DLG2: variants seen among roughly 807,000 people sequenced by gnomAD.
DLG2 encodes discs large MAGUK scaffold protein 2.
In DLG2, 45 loss-of-function variants were observed where a neutral mutation model predicts 132.5. The observed-to-expected ratio is 0.34, with a 90% CI of 0.27 to 0.44. DLG2 has a LOEUF of 0.44. Ranked by LOEUF, DLG2 falls within the 20% of genes least tolerant of loss-of-function variation. The probability of loss-of-function intolerance (pLI) is 1.00; values close to 1 mark genes in which losing one functional copy is unlikely to be tolerated. For synonymous variants in DLG2, 424 were observed against 419.6 expected (o/e 1.01, Z -0.13); for missense variants, 1,045 against 1,196.9 (o/e 0.87, Z 1.87).
chr11:85,564,668 T>G (rs2077432218), intron 3 of DLG2, among the ~76,000 whole-genome samples: 1 of 152,090 alleles, frequency 6.6e-6, no homozygotes, highest in Admixed American at 6.6e-5. Context: ...AGCTTTATAA[T>G]AAGTCTCAAA....
chr11:85,116,531 T>A (rs1594430288), intron 5 of DLG2, among the ~76,000 whole-genome samples: 1 of 152,028 alleles, frequency 6.6e-6, no homozygotes. Context: ...TATACAGGTG[T>A]GTATTAAAAA....
At chr11:84,746,185 T>C (rs2065334070) in intron 6 of DLG2, among the ~76,000 whole-genome samples, 1 of 151,032 alleles carries the variant, frequency 6.6e-6, no homozygotes, top group Non-Finnish European at 1.5e-5. Flanking sequence ...AAGGAGTGCT[T>C]AGTCAAGACT....
intron 6 of DLG2, among the ~76,000 whole-genome samples, chr11:84,853,187 ACT>A (rs1192096938): frequency 6.6e-6 from 1 of 151,912 alleles, no homozygotes; most frequent in African/African-American, 2.4e-5. Context: ...TTTTTAAAAG[ACT>A]CTGAATAACC....
intron 6 of DLG2, among the ~76,000 whole-genome samples, chr11:85,011,631 T>A (rs2059154887): frequency 1.3e-5 from 2 of 152,220 alleles, no homozygotes; most frequent in Non-Finnish European, 2.9e-5. Context: ...ATATGTTAAA[T>A]AACGCAGTTG....
At chr11:85,020,709 T>G (rs2059978714) in intron 6 of DLG2, 1 of 554,020 alleles carries the variant, frequency 1.8e-6, no homozygotes, top group Non-Finnish European at 3.4e-6. Flanking sequence ...CTGGGAAAAC[T>G]GGCTAGCCAT....
chr11:83,520,701 A>AGATAGATAGAT (rs2140436399), intron 21 of DLG2, among the ~76,000 whole-genome samples: 1 of 79,448 alleles, frequency 1.3e-5, no homozygotes, highest in Non-Finnish European at 2.6e-5. Flanking sequence ...GTAGGTAGAT[A>AGATAGATAGAT]GATAGATAGA....
At chr11:83,920,688 A>G (rs1270695369) in intron 15 of DLG2, among the ~76,000 whole-genome samples, 1 of 152,186 alleles carries the variant, frequency 6.6e-6, no homozygotes, top group African/African-American at 2.4e-5. Flanking sequence ...CACTTTATAT[A>G]AAACCTCTTG....
chr11:85,271,687 A>G (rs1272769577), intron 4 of DLG2, among the ~76,000 whole-genome samples: 1 of 152,216 alleles, frequency 6.6e-6, no homozygotes, highest in African/African-American at 2.4e-5. Flanking sequence ...AAGAATATCA[A>G]TCTGGAGCTT....
chr11:85,001,284 G>T (rs948999167), intron 6 of DLG2, among the ~76,000 whole-genome samples: 1 of 152,030 alleles, frequency 6.6e-6, no homozygotes, highest in African/African-American at 2.4e-5. Flanking sequence ...TTGTTGTAGA[G>T]ACAGGGTCTC....
intron 18 of DLG2, among the ~76,000 whole-genome samples, chr11:83,748,740 A>G (rs1032800510): frequency 1.3e-5 from 2 of 152,204 alleles, no homozygotes; most frequent in Non-Finnish European, 2.9e-5. Context: ...GTTTAAGGGT[A>G]TCTTTTATGT....
At chr11:85,460,550 C>T (rs7110363) in intron 3 of DLG2, among the ~76,000 whole-genome samples, 123,053 of 152,152 alleles carry the variant, frequency 0.81, 50,501 homozygotes, top group Middle Eastern at 0.93. Context: ...CAAGTTGTTT[C>T]CTTGATGAAC....
intron 6 of DLG2, among the ~76,000 whole-genome samples, chr11:84,634,762 T>C (rs760615882): frequency 6.6e-5 from 10 of 152,230 alleles, no homozygotes; most frequent in Non-Finnish European, 1.2e-4. Context: ...TGTCTGCTTT[T>C]GGGGTTTTGC....
Position 84,373,265 on chromosome 11 carries a change from C to CAAAAAAAACAA in DLG2, c.520-121975_520-121974insTTGTTTTTTTT, listed in dbSNP as rs59038372. Reference sequence around the variant, plus strand: ...AGAAACAGTCAAAAAAAAAAAAAAACAAAACAAAAAAAAAACCCACCAGGC... The same window carrying CAAAAAAAACAA: ...AGAAACAGTCAAAAAAAAAAAAAAACAAAAAAAACAAAAAACAAAAAAAAAACCCACCAGGC... On this transcript the variant is annotated intron_variant, in intron 7 of 27. Transcript: ENST00000376104. Among the ~76,000 whole-genome samples the CAAAAAAAACAA allele has an allele frequency of 2.3e-3, 230 of 98,054 alleles. 22 individuals carry two copies. Among genetic ancestry groups the CAAAAAAAACAA allele is most frequent in the African/African-American group, 9.9e-3 (217 of 21,954 alleles). 64.3% of individuals were successfully genotyped at this position (98,054 alleles called of 152,430 possible).
At chr11:84,816,185 G>A (rs56866002) in intron 6 of DLG2, among the ~76,000 whole-genome samples, 4 of 151,950 alleles carry the variant, frequency 2.6e-5, no homozygotes, top group African/African-American at 9.7e-5. Context: ...TGAAGCAAAA[G>A]GAACTTGATT....
intron 8 of DLG2, among the ~76,000 whole-genome samples, chr11:84,240,924 C>A (rs951883356): frequency 6.6e-6 from 1 of 152,120 alleles, no homozygotes; most frequent in Non-Finnish European, 1.5e-5. Context: ...ATGTTAAAGT[C>A]CAAAGCCGAT....
At chr11:83,481,548 G>A (rs2093111737) in intron 22 of DLG2, among the ~76,000 whole-genome samples, 1 of 152,086 alleles carries the variant, frequency 6.6e-6, no homozygotes, top group South Asian at 2.1e-4. Context: ...ATTGGATAGA[G>A]TAGTTTTAAA....
At chr11:84,177,816 C>G (rs1277609101) in intron 8 of DLG2, among the ~76,000 whole-genome samples, 1 of 152,014 alleles carries the variant, frequency 6.6e-6, no homozygotes, top group Non-Finnish European at 1.5e-5. Flanking sequence ...ATACTTGGAA[C>G]AGTAGTCTGG....
chr11:84,100,333 GAT>G (rs1158750147), intron 9 of DLG2, among the ~76,000 whole-genome samples: 1 of 140,472 alleles, frequency 7.1e-6, no homozygotes, highest in Admixed American at 7.2e-5. Flanking sequence ...CTCTCTAAAG[GAT>G]ATATATATCT....
At chr11:84,788,064 G>A (rs12785605) in intron 6 of DLG2, among the ~76,000 whole-genome samples, 47,574 of 130,248 alleles carry the variant, frequency 0.37, 8,753 homozygotes, top group Middle Eastern at 0.54. Context: ...CTGAGCCACT[G>A]CATTCCAGCC....
Sources: gnomAD v4.1 joint callset for allele counts (sites outside exome capture counted in the v4.1 genomes callset) on GRCh38, gnomAD v4.1.1 for gene constraint, MANE v1.5 for transcripts, NCBI Gene and HGNC (gene_info 2026-07-23, HGNC 2026-07-21) for gene names.